ZNF567: variants seen among roughly 807,000 people sequenced by gnomAD.
ZNF567 encodes zinc finger protein 567.
Under a neutral mutation model 53.9 loss-of-function variants are expected in ZNF567, and 36 were observed. That is an observed-to-expected ratio of 0.67 (90% CI 0.51 to 0.88). The LOEUF is 0.88. Among genes scored for constraint, ZNF567 ranks in the 40% least tolerant of loss-of-function variants. ZNF567 has a pLI of 0.00. For synonymous variants in ZNF567, 224 were observed against 260.4 expected (o/e 0.86, Z 1.35); for missense variants, 619 against 764.7 (o/e 0.81, Z 2.25).
chr19:36,675,770 G>A, the ZNF567 span, among the ~76,000 whole-genome samples: 1 of 152,186 alleles, frequency 6.6e-6, no homozygotes, highest in African/African-American at 2.4e-5. Flanking sequence ...GATCAGTTGA[G>A]CCCAGCAGGT....
chr19:36,703,351 C>T (rs2039313315), intron 3 of ZNF567, among the ~76,000 whole-genome samples: 1 of 152,060 alleles, frequency 6.6e-6, no homozygotes, highest in African/African-American at 2.4e-5. Context: ...GGGGGTGCCT[C>T]CCAGTTAGGC....
the ZNF567 span, among the ~76,000 whole-genome samples, chr19:36,682,607 A>ATT: frequency 1.4e-5 from 2 of 142,530 alleles, no homozygotes; most frequent in Non-Finnish European, 3.0e-5. Flanking sequence ...TATTATTATT[A>ATT]TTATTATTTT....
In ZNF567 at chr19:36,719,499, G is replaced by A. The variant is rs2040215677; in HGVS notation, c.775G>A (p.Gly259Arg). Residue 259 changes from glycine (G) to arginine (R), a missense_variant, in exon 6 of 6, where the codon GGG (glycine) becomes AGG (arginine). Gly to Arg is a moderately radical substitution (Grantham distance 125, BLOSUM62 -2). Transcript: ENST00000682579. ...IEKKHTCNEC[G>R]KSFCRKSVLI... The stretch of plus-strand genomic sequence containing the variant: ...AAAAAAACATACATGCAATGAATGT[G>A]GGAAATCTTTCTGCAGGAAATCAGT... The A allele has an allele frequency of 6.2e-7, 1 of 1,612,894 alleles. No individual in the cohort carries two copies.
chr19:36,719,219 T>A lies in ZNF567; in HGVS notation c.495T>A (p.Tyr165Ter), dbSNP rs760336131. 1.2e-6 allele frequency: 2 copies of A among 1,614,084 alleles called. No individual in the cohort carries two copies. Among genetic ancestry groups the A allele is most frequent in the Non-Finnish European group, 1.7e-6 (2 of 1,180,000 alleles). ...ARKRLSEYNG[Y>*]GKSLLSTKQE... Reference sequence around the variant, plus strand: ...AGAGACTTAGTGAGTATAATGGATATGGGAAATCACTCCTGAGTACTAAAC... The same window carrying A: ...AGAGACTTAGTGAGTATAATGGATAAGGGAAATCACTCCTGAGTACTAAAC... Residue 165 changes from tyrosine to a stop codon, truncating the protein, a stop_gained, in exon 6 of 6, where the codon TAT becomes TAA. Coordinates refer to ENST00000682579, the MANE Select transcript of ZNF567 (RefSeq NM_001322917.1). LOFTEE classifies it high-confidence loss of function.
rs574654401 is a variant in ZNF567 at position 36,712,517 on chromosome 19, GA to G, written c.136+10del. 1.9e-6 allele frequency: 3 copies of G among 1,613,974 alleles called. No individual in the cohort carries two copies. Among genetic ancestry groups the G allele is most frequent in the Admixed American group, 1.7e-5 (1 of 59,948 alleles). ...ATTGCCACCTCATCTCTGTGGGTAAGAAAAATCCTCTTTGAAACTTTAGTAG... is the reference window on the plus strand; with the variant it reads ...ATTGCCACCTCATCTCTGTGGGTAAGAAAATCCTCTTTGAAACTTTAGTAG... On this transcript the variant is annotated splice_donor_region_variant and intron_variant, in intron 4 of 5. Coordinates refer to ENST00000682579, the MANE Select transcript of ZNF567 (RefSeq NM_001322917.1).
At chr19:36,677,144 A>G in the ZNF567 span, among the ~76,000 whole-genome samples, 1 of 127,342 alleles carries the variant, frequency 7.9e-6, no homozygotes, top group Non-Finnish European at 1.6e-5. Context: ...AACAAGAGCG[A>G]AACTCCGTCT....
chr19:36,703,177 T>C (rs1301403869), intron 3 of ZNF567, among the ~76,000 whole-genome samples: 1 of 152,182 alleles, frequency 6.6e-6, no homozygotes, highest in Non-Finnish European at 1.5e-5. Flanking sequence ...TGTTGGAGTT[T>C]GCTAGAGGTC....
chr19:36,691,269 C>A (rs938333955), intron 2 of ZNF567, among the ~76,000 whole-genome samples: 1 of 152,096 alleles, frequency 6.6e-6, no homozygotes, highest in Non-Finnish European at 1.5e-5. Context: ...GGTGATCCTC[C>A]CACCTCAGCC....
intron 5 of ZNF567, among the ~76,000 whole-genome samples, chr19:36,715,274 C>T (rs1391783801): frequency 1.3e-5 from 2 of 151,532 alleles, no homozygotes; most frequent in Non-Finnish European, 2.9e-5. Flanking sequence ...GATTCTCCTG[C>T]CTCAGCCTCT....
chr19:36,706,143 A>G lies in ZNF567; in HGVS notation c.10-6243A>G, dbSNP rs190676820. On this transcript the variant is annotated intron_variant, in intron 3 of 5. Coordinates refer to ENST00000682579, the MANE Select transcript of ZNF567 (RefSeq NM_001322917.1). ...TGGCACCTTGAGGCTCTGTCCTCAC[A>G]TGGCAAAAGTACAAGCCAGCCACAT... is the stretch of plus-strand genomic sequence containing the variant. 5.1e-3 allele frequency among the ~76,000 whole-genome samples: 769 copies of G among 152,274 alleles called. 6 individuals are homozygous for G. The highest frequency in any genetic ancestry group is 0.016 in the South Asian group (76 of 4,822).
the ZNF567 span, among the ~76,000 whole-genome samples, chr19:36,670,825 G>A: frequency 0.13 from 19,458 of 152,086 alleles, 2,051 homozygotes; most frequent in East Asian, 0.56. Flanking sequence ...CACTGGGCCG[G>A]GCGTGGTGGC....
chr19:36,712,667 A>G, intron 4 of ZNF567, 114 bp from the exon 5 acceptor site: 1 of 1,375,166 alleles, frequency 7.3e-7, no homozygotes, highest in South Asian at 1.2e-5. Context: ...GCAAGGTGCT[A>G]CCTATATTGT....
chr19:36,705,089 C>T (rs2039423398), intron 3 of ZNF567, among the ~76,000 whole-genome samples: 1 of 152,014 alleles, frequency 6.6e-6, no homozygotes. Flanking sequence ...CTCACTTTTT[C>T]CCCTGGTTCT....
At chr19:36,727,051 TTTTATTTATTTATTTA>T (rs60874148), downstream of ZNF567, 4 of 120,880 alleles carry the variant, frequency 3.3e-5, 1 homozygote, top group East Asian at 9.7e-4. Flanking sequence ...AGTAGATCAA[TTTTATTTATTTATTTA>T]TTTATTTATT....
rs2040216237 is a variant in ZNF567, at chr19:36,719,514, A to C, written c.790A>C (p.Arg264=). Residue 264 remains arginine (R), a synonymous_variant, in exon 6 of 6, where the codon AGG becomes CGG. Coordinates refer to ENST00000682579, the MANE Select transcript of ZNF567 (RefSeq NM_001322917.1). ...TCNECGKSFC[R]KSVLILHQGI... is the part of the protein sequence containing the mutation. ...CAATGAATGTGGGAAATCTTTCTGC[A>C]GGAAATCAGTATTGATTCTGCATCA... 1 of 1,613,216 alleles carries C rather than the reference A, an allele frequency of 6.2e-7. No individual in the cohort carries two copies. The highest frequency in any genetic ancestry group is 1.3e-5 in the African/African-American group (1 of 74,868).
chr19:36,718,555 C>A (rs1057242111), intron 5 of ZNF567, among the ~76,000 whole-genome samples: 1 of 151,970 alleles, frequency 6.6e-6, no homozygotes, highest in Non-Finnish European at 1.5e-5. Context: ...AGTAATCTTT[C>A]CTCTAGTATT....
At chr19:36,703,337 TG>T (rs35641493) in intron 3 of ZNF567, among the ~76,000 whole-genome samples, 15 of 151,304 alleles carry the variant, frequency 9.9e-5, no homozygotes, top group East Asian at 3.9e-4. Flanking sequence ...CTGCCCCTAC[TG>T]GGGGGGGTGC....
downstream of ZNF567, among the ~76,000 whole-genome samples, chr19:36,722,871 ATG>A (rs1015332120): frequency 1.3e-5 from 2 of 152,190 alleles, no homozygotes; most frequent in Non-Finnish European, 2.9e-5. Flanking sequence ...ACGTGTGTGT[ATG>A]TGTGTATATA....
the ZNF567 span, among the ~76,000 whole-genome samples, chr19:36,671,421 G>A: frequency 1.3e-5 from 2 of 152,142 alleles, no homozygotes; most frequent in African/African-American, 2.4e-5. Flanking sequence ...TGGAAGCAAC[G>A]CATTCCTCAC....
Sources: allele counts gnomAD v4.1 joint callset (sites outside exome capture counted in the v4.1 genomes callset), GRCh38; gene constraint gnomAD v4.1.1; transcripts MANE v1.5; gene names NCBI Gene and HGNC (gene_info 2026-07-23, HGNC 2026-07-21).